The following ADCY10 variants were observed in gnomAD, a reference collection of about 807,000 sequenced individuals.
ADCY10 encodes adenylate cyclase 10.
ADCY10 carries 156 observed loss-of-function variants against 183.3 expected under a neutral mutation model. The observed-to-expected ratio is 0.85, with a 90% CI of 0.75 to 0.97. The LOEUF (loss-of-function observed/expected upper bound fraction) is 0.97, where lower values mean the gene tolerates loss of function less well. ADCY10 is among the 50% of genes least tolerant of loss of function. The pLI, the probability that ADCY10 is intolerant of heterozygous loss-of-function variation, is 0.00. For missense variants in ADCY10, 1,745 were observed against 1,934.3 expected (o/e 0.90, Z 1.84); for synonymous variants, 645 against 670.0 (o/e 0.96, Z 0.58).
chr1:167,903,867 A>T lies in ADCY10; in HGVS notation c.253+20T>A. The T allele has an allele frequency of 6.4e-7, 1 of 1,557,128 alleles. No individual in the cohort carries two copies. The highest frequency in any genetic ancestry group is 8.9e-7 in the Non-Finnish European group (1 of 1,127,900). On this transcript the variant is annotated intron_variant, in intron 3 of 32. Transcript: ENST00000367851. ...ATGAATTGAAATATTCTCAAGCCAG[A>T]AACCTATGGGAACACTTACTCTCCA...
At chr1:167,886,413 T>A (rs571302202) in intron 8 of ADCY10, among the ~76,000 whole-genome samples, 1 of 152,266 alleles carries the variant, frequency 6.6e-6, no homozygotes, top group East Asian at 1.9e-4. Flanking sequence ...AACCATCTGA[T>A]CTTTGACAAA....
At position 167,809,752 on chromosome 1, in the gene ADCY10, C is replaced by T. The variant is rs1429110379; in HGVS notation, c.4759G>A (p.Gly1587Ser). 6.2e-7 allele frequency: 1 copy of T among 1,613,996 alleles called. No homozygotes were observed. Among genetic ancestry groups the T allele is most frequent in the Non-Finnish European group, 8.5e-7 (1 of 1,180,008 alleles). Residue 1587 changes from glycine (G) to serine (S), a missense_variant, in exon 33 of 33, where the codon GGC becomes AGC. By Grantham distance (56) the Gly-to-Ser change is moderately conservative. Transcript: ENST00000367851. Reference protein sequence around the residue: ...SLPSWEKIVAGRVNIQDLQKN... With the variant: ...SLPSWEKIVASRVNIQDLQKN... ...TGAAGATCCTGAATGTTTACCCTGC[C>T]TGCTACAATTTTTTCCCATGATGGG...
At chr1:167,837,371 G>T (rs1203981058) in intron 21 of ADCY10, 53 bp from the exon 22 acceptor site, 1 of 1,452,214 alleles carries the variant, frequency 6.9e-7, no homozygotes, top group South Asian at 1.1e-5. Flanking sequence ...CTCTGCAGTG[G>T]AGATATCTGC....
At chr1:167,824,135 AC>A (rs573391770) in intron 28 of ADCY10, among the ~76,000 whole-genome samples, 55 of 152,356 alleles carry the variant, frequency 3.6e-4, no homozygotes, top group African/African-American at 1.1e-3. Flanking sequence ...AGCCTGGCCA[AC>A]AGGGTGAAAC....
intron 6 of ADCY10, among the ~76,000 whole-genome samples, chr1:167,898,679 T>A (rs1162908666): frequency 6.6e-6 from 1 of 152,056 alleles, no homozygotes; most frequent in Non-Finnish European, 1.5e-5. Flanking sequence ...AGGCTGGATA[T>A]GTCTTGCTGG....
intron 24 of ADCY10, among the ~76,000 whole-genome samples, chr1:167,833,571 C>T (rs1259662991): frequency 6.6e-6 from 1 of 152,036 alleles, no homozygotes; most frequent in East Asian, 1.9e-4. Context: ...CATGGTGAAA[C>T]CCCATCTCTA....
At chr1:167,841,839 C>A (rs138619712) in intron 21 of ADCY10, among the ~76,000 whole-genome samples, 1 of 152,172 alleles carries the variant, frequency 6.6e-6, no homozygotes, top group Non-Finnish European at 1.5e-5. Flanking sequence ...CTGTTTTGTT[C>A]ACCGATGCAT....
At chr1:167,883,294 T>A (rs916665793) in intron 9 of ADCY10, 143 bp downstream of exon 9, 11 of 879,226 alleles carry the variant, frequency 1.3e-5, no homozygotes, top group Non-Finnish European at 1.9e-5. Flanking sequence ...CACCTCTGCC[T>A]CCCAAAGAGC....
At chr1:167,884,010 T>C (rs984919075) in intron 8 of ADCY10, among the ~76,000 whole-genome samples, 1 of 152,228 alleles carries the variant, frequency 6.6e-6, no homozygotes, top group Non-Finnish European at 1.5e-5. Flanking sequence ...TTGTGTTACA[T>C]GAGATATTTT....
chr1:167,904,911 C>T (rs1327180798), intron 2 of ADCY10, 82 bp downstream of exon 2: 2 of 1,598,014 alleles, frequency 1.3e-6, no homozygotes, highest in Non-Finnish European at 1.7e-6. Flanking sequence ...GGCCTCCCTA[C>T]TCTGCAATCA....
intron 1 of ADCY10, among the ~76,000 whole-genome samples, chr1:167,913,132 T>C (rs1670255962): frequency 6.6e-6 from 1 of 152,142 alleles, no homozygotes; most frequent in Non-Finnish European, 1.5e-5. Context: ...ATGAACAGCA[T>C]GGGTACTGAC....
intron 7 of ADCY10, among the ~76,000 whole-genome samples, chr1:167,896,132 C>T (rs943323637): frequency 1.3e-5 from 2 of 151,728 alleles, no homozygotes; most frequent in Admixed American, 6.6e-5. Context: ...AGGGGACTAG[C>T]GTAGAAGCTA....
chr1:167,833,226 G>T lies in ADCY10; in HGVS notation c.3418-64C>A. ...ACGATGATTCTAACTTAATTAGTAG[G>T]TCCCAACAATCCATATTTTGGGGAT... On this transcript the variant is annotated intron_variant, in intron 24 of 32. Transcript: ENST00000367851. 5 of 1,458,190 alleles carry T rather than the reference G, an allele frequency of 3.4e-6. No homozygotes were observed. The Admixed American group carries it at 5.0e-5, about 15-fold the overall frequency. The allele number at this position is 1,458,190 out of a possible 1,614,324, so 90.3% of individuals were successfully genotyped here.
At chr1:167,906,951 G>A (rs1162544438) in intron 1 of ADCY10, among the ~76,000 whole-genome samples, 1 of 152,210 alleles carries the variant, frequency 6.6e-6, no homozygotes, top group East Asian at 1.9e-4. Context: ...TGAAGCTTAA[G>A]TATGGTGTAC....
intron 19 of ADCY10, among the ~76,000 whole-genome samples, chr1:167,847,240 G>A (rs1665110305): frequency 1.3e-5 from 2 of 152,014 alleles, no homozygotes; most frequent in East Asian, 2.0e-4. Context: ...AGTAGACACA[G>A]CTAACGAAAC....
At chr1:167,875,298 G>A (rs1226069822) in intron 12 of ADCY10, 112 bp from the exon 13 acceptor site, 1 of 1,087,032 alleles carries the variant, frequency 9.2e-7, no homozygotes, top group Admixed American at 1.9e-5. Context: ...GCTAACAAGA[G>A]TCTATCCCCT....
intron 31 of ADCY10, among the ~76,000 whole-genome samples, chr1:167,813,295 G>T (rs1316392234): frequency 6.6e-6 from 1 of 151,988 alleles, no homozygotes; most frequent in Non-Finnish European, 1.5e-5. Flanking sequence ...ATAAGATCAT[G>T]AGCAGATTTC....
chr1:167,824,987 G>A, intron 26 of ADCY10, 132 bp from the exon 27 acceptor site: 1 of 912,474 alleles, frequency 1.1e-6, no homozygotes, highest in Non-Finnish European at 1.7e-6. Flanking sequence ...CCGAAGCCAT[G>A]GGCTTAGAAA....
intron 30 of ADCY10, chr1:167,820,141 T>C: frequency 1.9e-6 from 3 of 1,544,238 alleles, no homozygotes; most frequent in Non-Finnish European, 2.6e-6. Context: ...GCTTTTTGGA[T>C]CCCTTAATTT....
Sources: gnomAD v4.1 joint callset for allele counts (sites outside exome capture counted in the v4.1 genomes callset) on GRCh38, gnomAD v4.1.1 for gene constraint, MANE v1.5 for transcripts, NCBI Gene and HGNC (gene_info 2026-07-23, HGNC 2026-07-21) for gene names.